The following NCDN variants were observed in gnomAD, a reference collection of about 807,000 sequenced individuals.
NCDN encodes the protein norbin.
NCDN carries 9 observed loss-of-function variants against 60.7 expected under a neutral mutation model. The observed-to-expected ratio is 0.15, with a 90% CI of 0.09 to 0.26. The LOEUF (loss-of-function observed/expected upper bound fraction) is 0.26. Ranked by LOEUF, NCDN falls within the 10% of genes least tolerant of loss-of-function variation. The probability of loss-of-function intolerance (pLI) is 1.00; values close to 1 mark genes in which losing one functional copy is unlikely to be tolerated. For synonymous variants in NCDN, 409 were observed against 442.5 expected, an observed-to-expected ratio of 0.92 and a Z score of 0.95; for missense variants, 578 against 975.2, an observed-to-expected ratio of 0.59 and a Z score of 5.42.
rs1648416163 is a variant in NCDN, at chr1:35,558,012, T to C, written c.-179T>C. On this transcript the variant is annotated 5_prime_UTR_variant, in exon 1 of 7. Transcript: ENST00000373243. This position sits in a 1 kb window ranked among gnomAD's most constrained non-coding sequence, Gnocchi z 6.3. Reference sequence around the variant, plus strand: ...ATCGCGCCATATCGCGACACCATCGTGCCCTGTCGAGACTCCATTTTGTCA... The same window carrying C: ...ATCGCGCCATATCGCGACACCATCGCGCCCTGTCGAGACTCCATTTTGTCA... 4.4e-6 allele frequency: 4 copies of C among 902,168 alleles called. No homozygotes were observed. Among genetic ancestry groups the C allele is most frequent in the South Asian group, 3.3e-5 (2 of 60,378 alleles). The allele number at this position is 902,168 out of a possible 1,614,324, so 55.9% of individuals were successfully genotyped here.
chr1:35,559,067 T>TCCCCCC, intron 1 of NCDN, 40 bp from the exon 2 acceptor site: 1 of 381,302 alleles, frequency 2.6e-6, no homozygotes, highest in South Asian at 2.8e-5. Context: ...CCCCCGTCCC[T>TCCCCCC]CCTCTGCAGA....
At chr1:35,564,567 T>G (rs1571087168) in intron 6 of NCDN, among the ~76,000 whole-genome samples, 1 of 152,332 alleles carries the variant, frequency 6.6e-6, no homozygotes, top group East Asian at 1.9e-4. Flanking sequence ...TGTGTTCCTT[T>G]TGAGGGGTTC....
Position 35,565,747 on chromosome 1 carries a change from C to G in NCDN, c.*84C>G. 7.3e-7 allele frequency: 1 copy of G among 1,369,084 alleles called. No individual in the cohort carries two copies. The highest frequency in any genetic ancestry group is 9.7e-7 in the Non-Finnish European group (1 of 1,031,250). 84.8% of individuals were successfully genotyped at this position (1,369,084 alleles called of 1,614,324 possible). On this transcript the variant is annotated 3_prime_UTR_variant, in exon 7 of 7. Coordinates refer to ENST00000373243, the MANE Select transcript of NCDN (RefSeq NM_014284.3). The surrounding 1 kb of genome is among the most constrained non-coding windows in gnomAD (Gnocchi z 8.9). Reference sequence around the variant, plus strand: ...TCTTCCCTGAAGCCCCCAATCTGGCCCCCCCCTCCCCAGACTTCCTCCCCA... The same window carrying G: ...TCTTCCCTGAAGCCCCCAATCTGGCGCCCCCCTCCCCAGACTTCCTCCCCA...
In NCDN at chr1:35,565,889, C is replaced by G; in HGVS notation, c.*226C>G. On this transcript the variant is annotated 3_prime_UTR_variant, in exon 7 of 7. Transcript: ENST00000373243. This position sits in a 1 kb window ranked among gnomAD's most constrained non-coding sequence, Gnocchi z 8.9. ...TGGGGGCAGGGATCGGCTTGGAAATCAACGTGGTTGTCCCCGCCAGGCCGG... is the reference window on the plus strand; with the variant it reads ...TGGGGGCAGGGATCGGCTTGGAAATGAACGTGGTTGTCCCCGCCAGGCCGG... The G allele has an allele frequency of 3.6e-6, 2 of 563,290 alleles. No homozygotes were observed. The allele number at this position is 563,290 out of a possible 1,614,324, so 34.9% of individuals were successfully genotyped here.
chr1:35,562,246 G>A lies in NCDN; in HGVS notation c.1144-146G>A. ...CCACATGCTAGGTGCTGGGTTCATG[G>A]GACAGAATAAAGGTTGGGGCCTGCC... On this transcript the variant is annotated intron_variant, in intron 3 of 6. Transcript: ENST00000373243. This position sits in a 1 kb window ranked among gnomAD's most constrained non-coding sequence, Gnocchi z 6.8. The A allele has an allele frequency of 1.7e-6, 2 of 1,202,932 alleles. No individual in the cohort carries two copies. The highest frequency in any genetic ancestry group is 2.3e-6 in the Non-Finnish European group (2 of 853,012). The allele number at this position is 1,202,932 out of a possible 1,614,324, so 74.5% of individuals were successfully genotyped here.
rs1648515764 is a variant in NCDN at position 35,558,600 on chromosome 1, G to A, written c.33+377G>A. The A allele has an allele frequency of 5.9e-6, 7 of 1,194,332 alleles. No individual in the cohort carries two copies. The highest frequency in any genetic ancestry group is 7.3e-6 in the Non-Finnish European group (7 of 957,420). The allele number at this position is 1,194,332 out of a possible 1,614,324, so 74.0% of individuals were successfully genotyped here. A position where few individuals can be genotyped will look rare whatever the true frequency, so the allele number is the denominator to read the frequency against. On this transcript the variant is annotated intron_variant, in intron 1 of 6. Transcript: ENST00000373243. This position sits in a 1 kb window ranked among gnomAD's most constrained non-coding sequence, Gnocchi z 6.3. ...ATTCTCACTTCTGAAGCGTATCTCT[G>A]CCTCTGAAGAAGGGAGGGGAAAGGA... is the stretch of plus-strand genomic sequence containing the variant.
In NCDN at chr1:35,563,945, C is replaced by G. The variant is rs369119475; in HGVS notation, c.1753+36C>G. On this transcript the variant is annotated intron_variant, in intron 6 of 6. Transcript: ENST00000373243. The surrounding 1 kb of genome is among the most constrained non-coding windows in gnomAD (Gnocchi z 6.6). Reference sequence around the variant, plus strand: ...GGGATCCAGTCCTGATGGGTGAGGACAGAAGACCTGGGTGGACCTCCTGTG... The same window carrying G: ...GGGATCCAGTCCTGATGGGTGAGGAGAGAAGACCTGGGTGGACCTCCTGTG... 3.8e-6 allele frequency: 6 copies of G among 1,586,010 alleles called. No individual in the cohort carries two copies. The highest frequency in any genetic ancestry group is 5.1e-6 in the Non-Finnish European group (6 of 1,167,442).
In NCDN at chr1:35,558,720, C is replaced by T; in HGVS notation, c.34-387C>T. ...CATTTCTCCCTGTCTGTCCTCACCA[C>T]TCACTCCCTCTGTGTCCCTGTGGAG... On this transcript the variant is annotated intron_variant, in intron 1 of 6. Transcript: ENST00000373243. This position sits in a 1 kb window ranked among gnomAD's most constrained non-coding sequence, Gnocchi z 6.3. 1 of 1,147,604 alleles carries T rather than the reference C, an allele frequency of 8.7e-7. No individual in the cohort carries two copies. Among genetic ancestry groups the T allele is most frequent in the South Asian group, 2.8e-5 (1 of 36,228 alleles). 71.1% of individuals were successfully genotyped at this position (1,147,604 alleles called of 1,614,324 possible).
At position 35,563,623 on chromosome 1, in the gene NCDN, G is replaced by A. The variant is rs578011470; in HGVS notation, c.1611-144G>A. On this transcript the variant is annotated intron_variant, in intron 5 of 6. Transcript: ENST00000373243. This position sits in a 1 kb window ranked among gnomAD's most constrained non-coding sequence, Gnocchi z 6.6. ...GAACCCCCAGGTACTGTCTCAGCAT[G>A]TCTGCTTGTTCCAATCTCTGCCCCC... 9.0e-7 allele frequency: 1 copy of A among 1,109,372 alleles called. No individual in the cohort carries two copies. Among genetic ancestry groups the A allele is most frequent in the South Asian group, 1.5e-5 (1 of 67,044 alleles). The allele number at this position is 1,109,372 out of a possible 1,614,324, so 68.7% of individuals were successfully genotyped here. A position where few individuals can be genotyped will look rare whatever the true frequency, so the allele number is the denominator to read the frequency against.
chr1:35,559,392 G>T (rs1648616417), intron 2 of NCDN, 145 bp downstream of exon 2: 5 of 1,014,210 alleles, frequency 4.9e-6, no homozygotes, highest in Non-Finnish European at 7.2e-6. Flanking sequence ...CTACCTTTGT[G>T]CTCTTTTTTG....
Position 35,558,363 on chromosome 1 carries a change from C to T in NCDN, c.33+140C>T, listed in dbSNP as rs1648478129. ...TTGCTTCTCCAGCCCCTGCCGGCAT[C>T]CACAGGCTGGTAGCGGGACGGGGAG... On this transcript the variant is annotated intron_variant, in intron 1 of 6. Coordinates refer to ENST00000373243, the MANE Select transcript of NCDN (RefSeq NM_014284.3). This position sits in a 1 kb window ranked among gnomAD's most constrained non-coding sequence, Gnocchi z 6.3. 3.3e-6 allele frequency: 5 copies of T among 1,531,328 alleles called. No individual in the cohort carries two copies. The highest frequency in any genetic ancestry group is 1.2e-5 in the South Asian group (1 of 80,724). The allele number at this position is 1,531,328 out of a possible 1,614,324, so 94.9% of individuals were successfully genotyped here. A position where few individuals can be genotyped will look rare whatever the true frequency, so the allele number is the denominator to read the frequency against.
chr1:35,562,528 C>A lies in NCDN; in HGVS notation c.1280C>A (p.Thr427Asn). Residue 427 changes from threonine to asparagine, a missense_variant, in exon 4 of 7, where the codon ACC becomes AAC. Thr to Asn is a moderately conservative substitution (Grantham distance 65). Around this residue, in one of 3 missense-constraint regions of NCDN, gnomAD observed 363 missense variants for 583.6 expected, o/e 0.62. Transcript: ENST00000373243. The surrounding 1 kb of genome is among the most constrained non-coding windows in gnomAD (Gnocchi z 6.8). ...LLPFLVRYAK[T>N]LYEEAEEAND... ...CCCTTCCTCGTCCGCTATGCCAAGACCCTCTACGAGGAGGCCGAGGAGGCC... is the reference window on the plus strand; with the variant it reads ...CCCTTCCTCGTCCGCTATGCCAAGAACCTCTACGAGGAGGCCGAGGAGGCC... 1 of 1,614,170 alleles carries A rather than the reference C, an allele frequency of 6.2e-7. No homozygotes were observed. The highest frequency in any genetic ancestry group is 8.5e-7 in the Non-Finnish European group (1 of 1,180,016).
Position 35,566,622 on chromosome 1 carries a change from AG to A in NCDN, c.*964del. ...CAGGGACTACCTTTCTTATAAACCC[AG>A]GGGGACCACACACACACACACACAC... On this transcript the variant is annotated 3_prime_UTR_variant, in exon 7 of 7. Coordinates refer to ENST00000373243, the MANE Select transcript of NCDN (RefSeq NM_014284.3). The surrounding 1 kb of genome is among the most constrained non-coding windows in gnomAD (Gnocchi z 5.3). 2.8e-6 allele frequency: 1 copy of A among 359,776 alleles called. No individual in the cohort carries two copies. The highest frequency in any genetic ancestry group is 2.0e-5 in the South Asian group (1 of 50,034). The allele number at this position is 359,776 out of a possible 1,614,324, so 22.3% of individuals were successfully genotyped here.
chr1:35,566,386 T>C lies in NCDN; in HGVS notation c.*723T>C. The C allele has an allele frequency of 4.8e-6, 1 of 210,234 alleles. No individual in the cohort carries two copies. The highest frequency in any genetic ancestry group is 9.8e-6 in the Non-Finnish European group (1 of 101,998). 13.0% of individuals were successfully genotyped at this position (210,234 alleles called of 1,614,324 possible). ...ATGGGGGTTGGGGGGTTATTTATTT[T>C]GCCTGTCCTTATCCCTGCTTGGACA... On this transcript the variant is annotated 3_prime_UTR_variant, in exon 7 of 7. Coordinates refer to ENST00000373243, the MANE Select transcript of NCDN (RefSeq NM_014284.3). The surrounding 1 kb of genome is among the most constrained non-coding windows in gnomAD (Gnocchi z 5.3).
rs1357289239 is a variant in NCDN, at chr1:35,566,232, G to A, written c.*569G>A. ...CAGGGTCTGAACTGCCTCCATCCTA[G>A]GGCAACCTGGGGCAGACAGGCCTGG... On this transcript the variant is annotated 3_prime_UTR_variant, in exon 7 of 7. Coordinates refer to ENST00000373243, the MANE Select transcript of NCDN (RefSeq NM_014284.3). The surrounding 1 kb of genome is among the most constrained non-coding windows in gnomAD (Gnocchi z 5.3). 6.0e-6 allele frequency: 1 copy of A among 165,934 alleles called. No homozygotes were observed. Among genetic ancestry groups the A allele is most frequent in the Non-Finnish European group, 1.3e-5 (1 of 76,468 alleles). The allele number at this position is 165,934 out of a possible 1,614,324, so 10.3% of individuals were successfully genotyped here. A position where few individuals can be genotyped will look rare whatever the true frequency, so the allele number is the denominator to read the frequency against.
rs1648716900 is a variant in NCDN at position 35,561,818 on chromosome 1, C to A, written c.1143+524C>A. On this transcript the variant is annotated intron_variant, in intron 3 of 6. Coordinates refer to ENST00000373243, the MANE Select transcript of NCDN (RefSeq NM_014284.3). The surrounding 1 kb of genome is among the most constrained non-coding windows in gnomAD (Gnocchi z 4.9). ...GCCTGAGAGGCCAGCTGTCCTGTCC[C>A]ACAGGGATTCAGTCATGACTCTGGT... Among the ~76,000 whole-genome samples the A allele has an allele frequency of 2.0e-5, 3 of 152,280 alleles. No individual in the cohort carries two copies. The South Asian group carries it at 6.2e-4, about 32-fold the overall frequency.
rs1181514576 is a variant in NCDN at position 35,565,624 on chromosome 1, C to T, written c.2151C>T (p.Tyr717=). 4 of 1,561,624 alleles carry T rather than the reference C, an allele frequency of 2.6e-6. No homozygotes were observed. The highest frequency in any genetic ancestry group is 2.6e-6 in the Non-Finnish European group (3 of 1,160,856). Residue 717 remains tyrosine, a synonymous_variant, in exon 7 of 7, where the codon TAC becomes TAT. Transcript: ENST00000373243. This position sits in a 1 kb window ranked among gnomAD's most constrained non-coding sequence, Gnocchi z 8.9. ...LQAGEETASH[Y]RMAALEQCLS... The stretch of plus-strand genomic sequence containing the variant: ...CGGGCGAGGAGACGGCCAGCCACTA[C>T]CGCATGGCTGCCTTGGAGCAGTGCC...
In NCDN at chr1:35,557,975, T is replaced by A; in HGVS notation, c.-216T>A. 1 of 720,216 alleles carries A rather than the reference T, an allele frequency of 1.4e-6. No homozygotes were observed. 44.6% of individuals were successfully genotyped at this position (720,216 alleles called of 1,614,324 possible). On this transcript the variant is annotated 5_prime_UTR_variant, in exon 1 of 7. Transcript: ENST00000373243. ...CGATGCCGACACACCCCGGGGACCCTATCGCGACTCCATCGCGCCATATCG... is the reference window on the plus strand; with the variant it reads ...CGATGCCGACACACCCCGGGGACCCAATCGCGACTCCATCGCGCCATATCG...
At position 35,558,751 on chromosome 1, in the gene NCDN, T is replaced by G; in HGVS notation, c.34-356T>G. 8.8e-7 allele frequency: 1 copy of G among 1,131,682 alleles called. No homozygotes were observed. The highest frequency in any genetic ancestry group is 1.1e-6 in the Non-Finnish European group (1 of 907,442). 70.1% of individuals were successfully genotyped at this position (1,131,682 alleles called of 1,614,324 possible). A position where few individuals can be genotyped will look rare whatever the true frequency, so the allele number is the denominator to read the frequency against. On this transcript the variant is annotated intron_variant, in intron 1 of 6. Transcript: ENST00000373243. This position sits in a 1 kb window ranked among gnomAD's most constrained non-coding sequence, Gnocchi z 6.3. ...CCCTCTGTGTCCCTGTGGAGGGAGA[T>G]AAAACCCAGCCTCCGGTGCCAGGGG...
Sources: gnomAD v4.1 joint callset for allele counts (sites outside exome capture counted in the v4.1 genomes callset) on GRCh38, gnomAD v4.1.1 for gene constraint, gnomAD v4.1.1 regional missense constraint, Gnocchi (gnomAD v3.1) non-coding constraint, MANE v1.5 for transcripts, NCBI Gene and HGNC (gene_info 2026-07-23, HGNC 2026-07-21) for gene names.